The following KCNMA1 variants were observed in gnomAD, a reference collection of about 807,000 sequenced individuals.
KCNMA1 encodes potassium calcium-activated channel subfamily M alpha 1, also known as Calcium-activated potassium channel subunit alpha-1.
Under a neutral mutation model 140.0 loss-of-function variants are expected in KCNMA1, and 29 were observed. That is an observed-to-expected ratio of 0.21 (90% CI 0.15 to 0.28). The LOEUF is 0.28. KCNMA1 is among the 10% of genes least tolerant of loss of function. The pLI is 1.00. For missense variants in KCNMA1, 880 were observed against 1,602.2 expected, an observed-to-expected ratio of 0.55 and a Z score of 7.70; for synonymous variants, 612 against 611.9, an observed-to-expected ratio of 1.00 and a Z score of 0.00.
chr10:77,470,619 C>T (rs1050136213), intron 1 of KCNMA1, among the ~76,000 whole-genome samples: 5 of 152,170 alleles, frequency 3.3e-5, no homozygotes, highest in African/African-American at 1.2e-4. Context: ...AGCTGCAAGT[C>T]AGACAGAAGA....
At chr10:77,155,461 G>C (rs2098472110) in intron 5 of KCNMA1, among the ~76,000 whole-genome samples, 1 of 152,112 alleles carries the variant, frequency 6.6e-6, no homozygotes, top group African/African-American at 2.4e-5. Flanking sequence ...TCTTGCCGAA[G>C]CTCACCTAGC....
intron 12 of KCNMA1, among the ~76,000 whole-genome samples, chr10:77,080,057 A>T (rs902083695): frequency 2.6e-5 from 4 of 152,190 alleles, no homozygotes; most frequent in Non-Finnish European, 2.9e-5. Flanking sequence ...GGAACAAAGA[A>T]GGCCATGAAA....
intron 1 of KCNMA1, among the ~76,000 whole-genome samples, chr10:77,479,321 C>T (rs768694857): frequency 6.6e-5 from 10 of 152,146 alleles, no homozygotes; most frequent in Non-Finnish European, 1.0e-4. Context: ...TGTGGAGGGC[C>T]ATCCAATGCC....
chr10:77,313,344 C>T (rs1006370101), intron 2 of KCNMA1, among the ~76,000 whole-genome samples: 1 of 152,182 alleles, frequency 6.6e-6, no homozygotes, highest in African/African-American at 2.4e-5. Context: ...AATTAGGGCT[C>T]CTGATGCCGG....
chr10:77,545,214 G>A (rs1008796672), intron 1 of KCNMA1, among the ~76,000 whole-genome samples: 1 of 152,196 alleles, frequency 6.6e-6, no homozygotes, highest in Non-Finnish European at 1.5e-5. Flanking sequence ...AACTCCCTGG[G>A]TTAACTGGAG....
intron 3 of KCNMA1, among the ~76,000 whole-genome samples, chr10:77,245,400 G>A (rs944754013): frequency 7.9e-5 from 12 of 152,176 alleles, no homozygotes; most frequent in African/African-American, 2.9e-4. Flanking sequence ...GATCTGTGCT[G>A]TCCTCACAGC....
chr10:76,939,215 G>A (rs1226452558), intron 23 of KCNMA1: 3 of 145,084 alleles, frequency 2.1e-5, no homozygotes, highest in Admixed American at 7.3e-5. Context: ...CCGCCTCCTG[G>A]GTTCAAATGA....
chr10:77,135,622 A>G (rs1320915012), intron 5 of KCNMA1, among the ~76,000 whole-genome samples: 4 of 152,240 alleles, frequency 2.6e-5, no homozygotes, highest in Non-Finnish European at 5.9e-5. Flanking sequence ...TGAATGAAGA[A>G]AATGTGATAT....
chr10:77,091,624 T>G (rs2096820605), intron 9 of KCNMA1: 1 of 152,234 alleles, frequency 6.6e-6, no homozygotes, highest in Admixed American at 6.5e-5. Context: ...AGTGACAGCA[T>G]CTGAGTCTCT....
intron 24 of KCNMA1, chr10:76,913,392 C>T (rs2051193538): frequency 6.6e-6 from 1 of 152,156 alleles, no homozygotes; most frequent in South Asian, 2.1e-4. Context: ...GGATTCTGGG[C>T]TGGGATTGGG....
At chr10:76,970,843 G>A (rs2075874411) in intron 19 of KCNMA1, 1 of 152,746 alleles carries the variant, frequency 6.5e-6, no homozygotes, top group African/African-American at 2.4e-5. Context: ...AGGGATGGAG[G>A]GCAGCACAGG....
At chr10:77,502,097 A>C (rs2154545358) in intron 1 of KCNMA1, among the ~76,000 whole-genome samples, 1 of 152,280 alleles carries the variant, frequency 6.6e-6, no homozygotes, top group African/African-American at 2.4e-5. Context: ...ACACAACATA[A>C]AAATCTAACA....
Position 76,891,571 on chromosome 10 carries a change from C to T in KCNMA1, c.3296G>A (p.Arg1099His), listed in dbSNP as rs768399208. 7 of 1,613,862 alleles carry T rather than the reference C, an allele frequency of 4.3e-6. No individual in the cohort carries two copies. Among genetic ancestry groups the T allele is most frequent in the South Asian group, 1.1e-5 (1 of 91,072 alleles). The change falls in exon 26 of 28, where the codon CGC becomes CAC. Residue 1099 changes from arginine (R) to histidine (H), a missense_variant. Coordinates refer to ENST00000286628, the MANE Select transcript of KCNMA1 (RefSeq NM_001161352.2). The part of the protein sequence containing the change: ...PQTLANRDRC[R>H]VAQLALLDGP... ...ATCGAGCAGAGCTAACTGGGCCACG[C>T]GGCAGCGGTCCCTATTGGCCAGTGT... is the stretch of plus-strand genomic sequence containing the variant.
chr10:77,309,229 G>T (rs2078624783), intron 2 of KCNMA1, among the ~76,000 whole-genome samples: 1 of 152,184 alleles, frequency 6.6e-6, no homozygotes, highest in Non-Finnish European at 1.5e-5. Context: ...CAGCAAAGGG[G>T]ATCATAGACA....
intron 2 of KCNMA1, among the ~76,000 whole-genome samples, chr10:77,297,909 A>T (rs1772950005): frequency 6.6e-6 from 1 of 152,280 alleles, no homozygotes; most frequent in Non-Finnish European, 1.5e-5. Context: ...TGGCCCTCAA[A>T]GGAGTGCACA....
chr10:77,126,719 C>G (rs1214765161), intron 5 of KCNMA1, among the ~76,000 whole-genome samples: 10 of 11,646 alleles, frequency 8.6e-4, no homozygotes, highest in Admixed American at 4.0e-3. Flanking sequence ...TGCCCCCCAC[C>G]CCCCCACCCC....
At chr10:77,162,093 C>T (rs2098561110) in intron 5 of KCNMA1, among the ~76,000 whole-genome samples, 1 of 152,132 alleles carries the variant, frequency 6.6e-6, no homozygotes, top group Non-Finnish European at 1.5e-5. Flanking sequence ...ACTTTGAGCT[C>T]AGTTAAAGAT....
chr10:77,174,412 C>T (rs1306061834), intron 5 of KCNMA1, among the ~76,000 whole-genome samples: 2 of 152,202 alleles, frequency 1.3e-5, no homozygotes, highest in African/African-American at 4.8e-5. Flanking sequence ...TGTGTGCTGT[C>T]ACAGACTCAT....
At chr10:77,068,887 ACACACACACACAC>A in intron 14 of KCNMA1, among the ~76,000 whole-genome samples, 2 of 104,134 alleles carry the variant, frequency 1.9e-5, no homozygotes, top group African/African-American at 6.3e-5. Context: ...ACACACACAC[ACACACACACACAC>A]AATTTGTCAT....
Sources: gnomAD v4.1 joint callset for allele counts (sites outside exome capture counted in the v4.1 genomes callset) on GRCh38, gnomAD v4.1.1 for gene constraint, MANE v1.5 for transcripts, NCBI Gene and HGNC (gene_info 2026-07-23, HGNC 2026-07-21) for gene names.